Variants in KIAA1614 observed in about 807,000 individuals in gnomAD.
The protein encoded by KIAA1614 is uncharacterized protein KIAA1614.
KIAA1614 carries 76 observed loss-of-function variants against 88.7 expected under a neutral mutation model. The observed-to-expected ratio is 0.86, with a 90% CI of 0.71 to 1.04. KIAA1614 has a LOEUF of 1.04. Ranked by LOEUF, KIAA1614 falls within the 50% of genes least tolerant of loss-of-function variation. KIAA1614 has a pLI of 0.00. For missense variants in KIAA1614, 1,553 were observed against 1,582.5 expected, an observed-to-expected ratio of 0.98 and a Z score of 0.32; for synonymous variants, 714 against 675.5, an observed-to-expected ratio of 1.06 and a Z score of -0.88.
Position 180,949,401 on chromosome 1 carries a change from G to A in KIAA1614, c.*3813G>A, listed in dbSNP as rs531313887. On this transcript the variant is annotated 3_prime_UTR_variant, in exon 9 of 9. Transcript: ENST00000367588. Reference sequence around the variant, plus strand: ...GCCAGCACCTCACTTACTCTCCCAGGTGGGAGCAGCTGGAGGGGAATTTGA... The same window carrying A: ...GCCAGCACCTCACTTACTCTCCCAGATGGGAGCAGCTGGAGGGGAATTTGA... 5.9e-5 allele frequency: 9 copies of A among 152,336 alleles called. No individual in the cohort carries two copies. The highest frequency in any genetic ancestry group is 1.3e-4 in the Non-Finnish European group (9 of 68,126). The allele number at this position is 152,336 out of a possible 1,614,324, so 9.4% of individuals were successfully genotyped here.
chr1:180,944,112 A>C (rs2102277293), intron 7 of KIAA1614: 2 of 228,266 alleles, frequency 8.8e-6, no homozygotes, highest in South Asian at 1.9e-4. Flanking sequence ...TGAGTACATT[A>C]GATTTCCTTA....
Position 180,945,408 on chromosome 1 carries a change from C to T in KIAA1614, c.3393C>T (p.Thr1131=), listed in dbSNP as rs770855859. ...TGGTGGAGGTGTTCCCAGACGGCAC[C>T]AGCCAGCTGCAGCTGCAGCGCTCCC... is the stretch of plus-strand genomic sequence containing the variant. ...GRLVEVFPDG[T]SQLQLQRSPG... The change falls in exon 9 of 9, where the codon ACC becomes ACT. Residue 1131 remains threonine (T), a synonymous_variant. Coordinates refer to ENST00000367588, the MANE Select transcript of KIAA1614 (RefSeq NM_020950.2). 6.2e-7 allele frequency: 1 copy of T among 1,604,456 alleles called. No individual in the cohort carries two copies. The highest frequency in any genetic ancestry group is 8.5e-7 in the Non-Finnish European group (1 of 1,177,178).
Position 180,928,440 on chromosome 1 carries a change from C to T in KIAA1614, c.1072C>T (p.Pro358Ser). 2 of 1,612,202 alleles carry T rather than the reference C, an allele frequency of 1.2e-6. No individual in the cohort carries two copies. The highest frequency in any genetic ancestry group is 1.7e-6 in the Non-Finnish European group (2 of 1,179,258). The change falls in exon 4 of 9, where the codon CCC (proline) becomes TCC (serine). Residue 358 changes from proline to serine, a missense_variant. Transcript: ENST00000367588. ...TGTGCCACGCTGCAGGACCGTTGGTCCCAACCCGGAGCCTGTGCTGAGCCC... is the reference window on the plus strand; with the variant it reads ...TGTGCCACGCTGCAGGACCGTTGGTTCCAACCCGGAGCCTGTGCTGAGCCC... ...QDSGQNRTVG[P>S]NPEPVLSPRH...
chr1:180,918,485 C>A (rs1282075670), intron 3 of KIAA1614, among the ~76,000 whole-genome samples: 1 of 152,178 alleles, frequency 6.6e-6, no homozygotes, highest in Non-Finnish European at 1.5e-5. Flanking sequence ...GCTGCCTGTC[C>A]TTCATGGCAG....
At position 180,948,486 on chromosome 1, in the gene KIAA1614, T is replaced by C. The variant is rs1433479501; in HGVS notation, c.*2898T>C. ...GTCATATTTGTGTCACGAATTTCAG[T>C]TGCGAAACCTACCCGAGTCTCCCCA... On this transcript the variant is annotated 3_prime_UTR_variant, in exon 9 of 9. Coordinates refer to ENST00000367588, the MANE Select transcript of KIAA1614 (RefSeq NM_020950.2). The C allele has an allele frequency of 1.3e-5, 2 of 152,266 alleles. No homozygotes were observed. The highest frequency in any genetic ancestry group is 1.3e-4 in the Admixed American group (2 of 15,286). 9.4% of individuals were successfully genotyped at this position (152,266 alleles called of 1,614,324 possible).
At chr1:180,930,979 G>C (rs1452490428) in intron 4 of KIAA1614, among the ~76,000 whole-genome samples, 1 of 152,180 alleles carries the variant, frequency 6.6e-6, no homozygotes, top group African/African-American at 2.4e-5. Context: ...CACTTCTAAA[G>C]AGCAGCTTGG....
intron 1 of KIAA1614, among the ~76,000 whole-genome samples, chr1:180,915,657 A>G (rs1571280494): frequency 6.6e-6 from 1 of 152,044 alleles, no homozygotes; most frequent in Non-Finnish European, 1.5e-5. Flanking sequence ...GGGCTCCCCA[A>G]CCCCCGGGGC....
In KIAA1614 at chr1:180,935,683, G is replaced by A. The variant is rs1175917687; in HGVS notation, c.1774G>A (p.Glu592Lys). The A allele has an allele frequency of 6.2e-7, 1 of 1,613,560 alleles. No individual in the cohort carries two copies. Among genetic ancestry groups the A allele is most frequent in the East Asian group, 2.2e-5 (1 of 44,878 alleles). Reference sequence around the variant, plus strand: ...TCCTGCAGAGCCCCGGCTCCACATGGAATGGATCCGGGAAACACACATCGG... The same window carrying A: ...TCCTGCAGAGCCCCGGCTCCACATGAAATGGATCCGGGAAACACACATCGG... ...LLPAEPRLHM[E>K]WIRETHIGDT... The change falls in exon 5 of 9, where the codon GAA becomes AAA. Residue 592 changes from glutamate to lysine, a missense_variant. Coordinates refer to ENST00000367588, the MANE Select transcript of KIAA1614 (RefSeq NM_020950.2). This position sits in a 1 kb window ranked among gnomAD's most constrained non-coding sequence, Gnocchi z 6.1.
intron 3 of KIAA1614, among the ~76,000 whole-genome samples, chr1:180,923,193 A>C (rs193211805): frequency 6.6e-6 from 1 of 152,332 alleles, no homozygotes; most frequent in East Asian, 1.9e-4. Context: ...TTATGTAGGC[A>C]TGATTGATTA....
At chr1:180,927,502 C>A (rs762301722) in intron 3 of KIAA1614, among the ~76,000 whole-genome samples, 25 of 152,212 alleles carry the variant, frequency 1.6e-4, no homozygotes, top group Non-Finnish European at 2.9e-4. Context: ...GCTCTGGACA[C>A]CCTCATCTGT....
Position 180,935,788 on chromosome 1 carries a change from G to A in KIAA1614, c.1879G>A (p.Glu627Lys), listed in dbSNP as rs202196321. The A allele has an allele frequency of 7.4e-5, 120 of 1,613,854 alleles. No homozygotes were observed. The Middle Eastern group carries it at 8.3e-4, about 11-fold the overall frequency. Residue 627 changes from glutamate to lysine, a missense_variant, in exon 5 of 9, where the codon GAG becomes AAG. Coordinates refer to ENST00000367588, the MANE Select transcript of KIAA1614 (RefSeq NM_020950.2). This position sits in a 1 kb window ranked among gnomAD's most constrained non-coding sequence, Gnocchi z 6.1. ...NSDNCRTDSE[E>K]AGTSQAGWAC... is the part of the protein sequence containing the mutation. Reference sequence around the variant, plus strand: ...TGACAACTGCAGGACCGACAGTGAGGAGGCGGGGACCTCTCAGGCTGGCTG... The same window carrying A: ...TGACAACTGCAGGACCGACAGTGAGAAGGCGGGGACCTCTCAGGCTGGCTG...
In KIAA1614 at chr1:180,936,368, TGTCTC is replaced by T. The variant is rs759714404; in HGVS notation, c.2460_2464del (p.Ser821GlnfsTer13). 2.3e-5 allele frequency: 37 copies of T among 1,614,086 alleles called. No individual in the cohort carries two copies. The highest frequency in any genetic ancestry group is 3.0e-5 in the Non-Finnish European group (35 of 1,180,030). On this transcript the variant is annotated frameshift_variant, in exon 5 of 9. Transcript: ENST00000367588. LOFTEE classifies it high-confidence loss of function. ...CCTTCGAGGAAAACCACCTCGCCAG[TGTCTC>T]ACAGGAAGGCAGCCCTGGCTGGACT...
At chr1:180,940,318 T>C (rs902777684) in intron 6 of KIAA1614, among the ~76,000 whole-genome samples, 1 of 152,102 alleles carries the variant, frequency 6.6e-6, no homozygotes, top group East Asian at 1.9e-4. Flanking sequence ...CTGGCCAACA[T>C]GGTGAAGCCC....
Position 180,935,857 on chromosome 1 carries a change from C to G in KIAA1614, c.1948C>G (p.Arg650Gly). The G allele has an allele frequency of 6.2e-7, 1 of 1,613,690 alleles. No individual in the cohort carries two copies. Among genetic ancestry groups the G allele is most frequent in the African/African-American group, 1.3e-5 (1 of 75,058 alleles). Residue 650 changes from arginine to glycine, a missense_variant, in exon 5 of 9, where the codon CGG becomes GGG. Transcript: ENST00000367588. The surrounding 1 kb of genome is among the most constrained non-coding windows in gnomAD (Gnocchi z 6.1). ...TQGSSPRLRL[R>G]GSRPRGHRWS... The stretch of plus-strand genomic sequence containing the variant: ...AGGCAGCAGCCCGCGACTGCGACTG[C>G]GGGGCTCCAGGCCTCGAGGCCACAG...
intron 3 of KIAA1614, among the ~76,000 whole-genome samples, chr1:180,918,436 G>A (rs1428216283): frequency 6.6e-6 from 1 of 152,156 alleles, no homozygotes; most frequent in Non-Finnish European, 1.5e-5. Flanking sequence ...AAATATTTTG[G>A]GGAAGCTGGA....
In KIAA1614 at chr1:180,916,275, G is replaced by A. The variant is rs1206219482; in HGVS notation, c.172G>A (p.Glu58Lys). 1 of 1,613,904 alleles carries A rather than the reference G, an allele frequency of 6.2e-7. No homozygotes were observed. The highest frequency in any genetic ancestry group is 1.1e-5 in the South Asian group (1 of 91,054). ...HPPRPWPCPQ[E>K]NRTSSLMAPQ... The stretch of plus-strand genomic sequence containing the variant: ...CCCAAGACCCTGGCCTTGCCCTCAG[G>A]AAAACAGAACATCCAGCCTGATGGC... Residue 58 changes from glutamate to lysine, a missense_variant, in exon 2 of 9, where the codon GAA (glutamate) becomes AAA (lysine). Coordinates refer to ENST00000367588, the MANE Select transcript of KIAA1614 (RefSeq NM_020950.2).
At chr1:180,923,924 C>G (rs909686644) in intron 3 of KIAA1614, among the ~76,000 whole-genome samples, 1 of 151,842 alleles carries the variant, frequency 6.6e-6, no homozygotes, top group Non-Finnish European at 1.5e-5. Context: ...CTGATATACA[C>G]GCACAAAGGA....
intron 3 of KIAA1614, among the ~76,000 whole-genome samples, chr1:180,920,020 G>A (rs934890572): frequency 1.1e-4 from 17 of 152,240 alleles, no homozygotes; most frequent in Admixed American, 9.8e-4. Flanking sequence ...AGGGCAAAGA[G>A]TGTTGTGGGG....
At chr1:180,934,282 A>T (rs573762364) in intron 4 of KIAA1614, among the ~76,000 whole-genome samples, 270 of 150,656 alleles carry the variant, frequency 1.8e-3, no homozygotes, top group Admixed American at 3.8e-3. Flanking sequence ...AAAAGAAAAG[A>T]AAAGAAAAAG....
Sources: gnomAD v4.1 joint callset for allele counts (sites outside exome capture counted in the v4.1 genomes callset) on GRCh38, gnomAD v4.1.1 for gene constraint, Gnocchi (gnomAD v3.1) non-coding constraint, MANE v1.5 for transcripts, NCBI Gene and HGNC (gene_info 2026-07-23, HGNC 2026-07-21) for gene names.